The following TRPM7 variants were observed in gnomAD, a reference collection of about 807,000 sequenced individuals.
TRPM7 encodes transient receptor potential cation channel subfamily M member 7.
In TRPM7, 134 loss-of-function variants were observed where a neutral mutation model predicts 229.7. The observed-to-expected ratio is 0.58, with a 90% CI of 0.51 to 0.67. TRPM7 has a LOEUF of 0.67. Ranked by LOEUF, TRPM7 falls within the 30% of genes least tolerant of loss-of-function variation. TRPM7 has a pLI of 0.00. For missense variants in TRPM7, 1,901 were observed against 2,210.0 expected (o/e 0.86, Z 2.80); for synonymous variants, 699 against 715.2 (o/e 0.98, Z 0.36).
At chr15:50,577,754 T>C (rs1174798998) in intron 31 of TRPM7, among the ~76,000 whole-genome samples, 1 of 152,130 alleles carries the variant, frequency 6.6e-6, no homozygotes, top group Non-Finnish European at 1.5e-5. Context: ...TCAAACAACA[T>C]GAACAAGAAT....
At chr15:50,580,113 A>C (rs1037020756) in intron 30 of TRPM7, among the ~76,000 whole-genome samples, 1 of 152,240 alleles carries the variant, frequency 6.6e-6, no homozygotes, top group Non-Finnish European at 1.5e-5. Context: ...AAAACACTGC[A>C]GAATAATAAT....
intron 13 of TRPM7, 73 bp from the exon 14 acceptor site, chr15:50,614,336 G>T: frequency 7.5e-7 from 1 of 1,326,432 alleles, no homozygotes; most frequent in Non-Finnish European, 1.0e-6. Context: ...CCTAGGAACA[G>T]GCCTACTCTC....
intron 8 of TRPM7, 130 bp from the exon 9 acceptor site, chr15:50,633,122 G>T: frequency 4.2e-6 from 3 of 718,568 alleles, no homozygotes; most frequent in Non-Finnish European, 6.0e-6. Flanking sequence ...ACCTTGGGTG[G>T]GATTATTTCT....
chr15:50,621,495 T>A (rs1379581197), intron 12 of TRPM7, among the ~76,000 whole-genome samples: 3 of 152,210 alleles, frequency 2.0e-5, no homozygotes, highest in African/African-American at 7.2e-5. Context: ...GAGGCCCCCA[T>A]GATTCCTTCA....
chr15:50,578,587 GATC>G, intron 31 of TRPM7, 49 bp downstream of exon 31: 2 of 1,559,532 alleles, frequency 1.3e-6, no homozygotes, highest in Non-Finnish European at 1.8e-6. Context: ...TGCTGTAACA[GATC>G]ATGTAAGATT....
intron 19 of TRPM7, among the ~76,000 whole-genome samples, chr15:50,608,830 G>T (rs1199365776): frequency 6.6e-6 from 1 of 152,170 alleles, no homozygotes; most frequent in Admixed American, 6.5e-5. Flanking sequence ...TCAGTCCCTG[G>T]TTAAAAGTAG....
At chr15:50,566,561 T>C (rs1413997200) in intron 38 of TRPM7, among the ~76,000 whole-genome samples, 1 of 152,114 alleles carries the variant, frequency 6.6e-6, no homozygotes, top group Non-Finnish European at 1.5e-5. Flanking sequence ...CTGGGTGTGG[T>C]GGCACGTACC....
At chr15:50,684,311 C>G (rs1596360671) in intron 1 of TRPM7, among the ~76,000 whole-genome samples, 1 of 151,942 alleles carries the variant, frequency 6.6e-6, no homozygotes, top group Non-Finnish European at 1.5e-5. Flanking sequence ...GATTACTGAT[C>G]AAGTCTTTAG....
rs767866160 is a variant in TRPM7 at position 50,643,482 on chromosome 15, C to A, written c.393G>T (p.Glu131Asp). The part of the protein sequence containing the change: ...LQLLLKEWQM[E>D]LPKLVISVHG... ...GTACAGAGATAACAAGTTTGGGTAA[C>A]TCCATTTGCCATTCTTTAAGCAGAA... The change falls in exon 5 of 39, where the codon GAG (glutamate) becomes GAT (aspartate). Residue 131 changes from glutamate to aspartate, a missense_variant. By Grantham distance (45) the Glu-to-Asp change is conservative. Around this residue, in one of 8 missense-constraint regions of TRPM7, gnomAD observed 794 missense variants for 881.9 expected, o/e 0.90. Transcript: ENST00000646667. The A allele has an allele frequency of 4.3e-6, 7 of 1,614,030 alleles. No individual in the cohort carries two copies. The highest frequency in any genetic ancestry group is 5.9e-6 in the Non-Finnish European group (7 of 1,180,048).
intron 10 of TRPM7, among the ~76,000 whole-genome samples, chr15:50,629,488 A>T (rs190154700): frequency 1.3e-5 from 2 of 149,754 alleles, no homozygotes; most frequent in Admixed American, 1.3e-4. Context: ...GCCCAGACTG[A>T]TCTCAAACTC....
chr15:50,578,556 T>A, intron 31 of TRPM7, 83 bp downstream of exon 31: 1 of 1,378,634 alleles, frequency 7.3e-7, no homozygotes, highest in Non-Finnish European at 1.0e-6. Flanking sequence ...TAAAATATCT[T>A]ACCTAGAATA....
chr15:50,598,880 T>C (rs748297958), intron 22 of TRPM7, among the ~76,000 whole-genome samples: 1 of 152,176 alleles, frequency 6.6e-6, no homozygotes, highest in Non-Finnish European at 1.5e-5. Flanking sequence ...AGTTAATAAA[T>C]GCCCTTATTG....
intron 27 of TRPM7, among the ~76,000 whole-genome samples, chr15:50,587,721 T>C (rs757123748): frequency 8.5e-4 from 129 of 152,268 alleles, no homozygotes; most frequent in Middle Eastern, 3.4e-3. Context: ...TGTGGCAATA[T>C]GACAATAATT....
At chr15:50,630,012 C>T (rs180737738) in intron 10 of TRPM7, among the ~76,000 whole-genome samples, 2 of 152,018 alleles carry the variant, frequency 1.3e-5, no homozygotes, top group Non-Finnish European at 2.9e-5. Flanking sequence ...CAGGCATCCA[C>T]CACCACCCCC....
chr15:50,660,630 C>T (rs2061698815), intron 2 of TRPM7, among the ~76,000 whole-genome samples: 1 of 152,116 alleles, frequency 6.6e-6, no homozygotes, highest in African/African-American at 2.4e-5. Context: ...GAATTACAGG[C>T]ATGAGCCACC....
intron 1 of TRPM7, among the ~76,000 whole-genome samples, chr15:50,673,808 G>A (rs918962201): frequency 1.7e-4 from 26 of 152,134 alleles, no homozygotes; most frequent in Non-Finnish European, 2.9e-4. Context: ...TGGGACTGCT[G>A]TATCAAATGG....
At chr15:50,588,236 A>C (rs775138230) in intron 27 of TRPM7, 3 of 984,866 alleles carry the variant, frequency 3.0e-6, no homozygotes, top group Non-Finnish European at 3.6e-6. Context: ...CATTTCTTAC[A>C]TCATTCTGCT....
Position 50,591,986 on chromosome 15 carries a change from T to C in TRPM7, c.4249A>G (p.Thr1417Ala), listed in dbSNP as rs762686569. The C allele has an allele frequency of 6.2e-7, 1 of 1,610,186 alleles. No individual in the cohort carries two copies. The highest frequency in any genetic ancestry group is 8.5e-7 in the Non-Finnish European group (1 of 1,179,006). ...ACAGTTTCTTGATCTTTGGTTCCAG[T>C]TTCCAAGTGGCTTTTGCAACTTGGC... ...SQPSCKSHLE[T>A]GTKDQETVCS... The change falls in exon 26 of 39, where the codon ACT (threonine) becomes GCT (alanine). Residue 1417 changes from threonine to alanine, a missense_variant. Thr to Ala is a moderately conservative substitution (Grantham distance 58). Around this residue, in one of 8 missense-constraint regions of TRPM7, gnomAD observed 533 missense variants for 497.1 expected, o/e 1.07. Transcript: ENST00000646667.
intron 27 of TRPM7, among the ~76,000 whole-genome samples, chr15:50,587,675 CAAGTGCTTCGCAATAGCA>C (rs1341214129): frequency 6.6e-6 from 1 of 152,114 alleles, no homozygotes; most frequent in East Asian, 1.9e-4. Context: ...TTACTTCTAT[CAAGTGCTTCGCAATAGCA>C]AAATGATACC....
Sources: gnomAD v4.1 joint callset for allele counts (sites outside exome capture counted in the v4.1 genomes callset) on GRCh38, gnomAD v4.1.1 for gene constraint, gnomAD v4.1.1 regional missense constraint, MANE v1.5 for transcripts, NCBI Gene and HGNC (gene_info 2026-07-23, HGNC 2026-07-21) for gene names.